SPATA6: variants seen among roughly 807,000 people sequenced by gnomAD.
The protein encoded by SPATA6 is spermatogenesis associated 6, also known as spermatogenesis-associated protein 6.
SPATA6 carries 56 observed loss-of-function variants against 65.3 expected under a neutral mutation model. The ratio of observed to expected loss-of-function variants is 0.86; its 90% CI spans 0.69 to 1.07. The LOEUF (loss-of-function observed/expected upper bound fraction) is 1.07, where lower values mean the gene tolerates loss of function less well. Among genes scored for constraint, SPATA6 ranks in the 50% least tolerant of loss-of-function variants. SPATA6 has a pLI of 0.00. For missense variants in SPATA6, 590 were observed against 594.8 expected (o/e 0.99, Z 0.08); for synonymous variants, 199 against 213.2 (o/e 0.93, Z 0.58).
chr1:48,374,636 C>T (rs1341689035), intron 9 of SPATA6, among the ~76,000 whole-genome samples: 1 of 152,164 alleles, frequency 6.6e-6, no homozygotes, highest in East Asian at 1.9e-4. Flanking sequence ...AATCACCTAC[C>T]TTTTCCAAAC....
Position 48,403,757 on chromosome 1 carries a change from C to G in SPATA6, c.486+45G>C, listed in dbSNP as rs116465190. 5.2e-4 allele frequency: 759 copies of G among 1,472,458 alleles called. 1 individual carries two copies. In the African/African-American group the frequency reaches 8.5e-3, roughly 16 times the overall value. The allele number at this position is 1,472,458 out of a possible 1,614,324, so 91.2% of individuals were successfully genotyped here. A position where few individuals can be genotyped will look rare whatever the true frequency, so the allele number is the denominator to read the frequency against. ...GCTTGCCAAAAGGCCACAAATATGA[C>G]CAAATAAATTAAACCATTAAATACT... On this transcript the variant is annotated intron_variant, in intron 6 of 12. Transcript: ENST00000371847.
At chr1:48,310,292 C>T (rs1645170543) in intron 11 of SPATA6, among the ~76,000 whole-genome samples, 1 of 152,164 alleles carries the variant, frequency 6.6e-6, no homozygotes, top group Non-Finnish European at 1.5e-5. Context: ...AATTACAATT[C>T]TCTGGGAATG....
intron 3 of SPATA6, chr1:48,436,350 T>C: frequency 1.2e-6 from 2 of 1,612,288 alleles, no homozygotes; most frequent in South Asian, 2.2e-5. Context: ...TTTTCACTGT[T>C]GGCAGCTGGC....
chr1:48,398,370 G>C (rs1409165168), intron 7 of SPATA6, among the ~76,000 whole-genome samples: 15 of 151,358 alleles, frequency 9.9e-5, no homozygotes, highest in Non-Finnish European at 1.9e-4. Context: ...GTTTTAAAAA[G>C]GTATCATAAA....
chr1:48,397,199 T>C (rs1271608310), intron 7 of SPATA6, among the ~76,000 whole-genome samples: 1 of 151,610 alleles, frequency 6.6e-6, no homozygotes, highest in South Asian at 2.1e-4. Context: ...GCCAAGACTA[T>C]GGGAAGGAAG....
chr1:48,349,017 C>T (rs1163530426), intron 11 of SPATA6, among the ~76,000 whole-genome samples: 3 of 151,976 alleles, frequency 2.0e-5, no homozygotes, highest in Non-Finnish European at 2.9e-5. Context: ...TCTACTACAG[C>T]AGGGGTTATC....
At chr1:48,371,982 C>T (rs979607227) in intron 9 of SPATA6, among the ~76,000 whole-genome samples, 2 of 152,246 alleles carry the variant, frequency 1.3e-5, no homozygotes, top group South Asian at 2.1e-4. Flanking sequence ...CTAGGTCCCT[C>T]CTACAACATG....
Position 48,400,926 on chromosome 1 carries a change from G to A in SPATA6, c.487-1282C>T, listed in dbSNP as rs115965050. ...TCTGTGACATCACAGACTTACAGAA[G>A]CAAAGAATGTCAGCACTAGAAATGA... On this transcript the variant is annotated intron_variant, in intron 6 of 12. Coordinates refer to ENST00000371847, the MANE Select transcript of SPATA6 (RefSeq NM_019073.4). The A allele has an allele frequency of 7.1e-4, 526 of 737,240 alleles. No homozygotes were observed. In the African/African-American group the frequency reaches 8.5e-3, roughly 12 times the overall value. 45.7% of individuals were successfully genotyped at this position (737,240 alleles called of 1,614,324 possible). A position where few individuals can be genotyped will look rare whatever the true frequency, so the allele number is the denominator to read the frequency against.
downstream of SPATA6, among the ~76,000 whole-genome samples, chr1:48,290,575 C>G (rs576910300): frequency 1.6e-3 from 250 of 152,232 alleles, 3 homozygotes; most frequent in African/African-American, 5.6e-3. Context: ...AGTCAAGACC[C>G]ATCAGTGTGC....
At chr1:48,362,248 T>C (rs989124465) in intron 9 of SPATA6, among the ~76,000 whole-genome samples, 1 of 151,958 alleles carries the variant, frequency 6.6e-6, no homozygotes, top group African/African-American at 2.4e-5. Context: ...AGCAACACTC[T>C]GTCTCAAAGA....
chr1:48,357,516 T>C (rs1646692616), intron 10 of SPATA6, among the ~76,000 whole-genome samples: 1 of 152,162 alleles, frequency 6.6e-6, no homozygotes, highest in Non-Finnish European at 1.5e-5. Flanking sequence ...TCAATAAATA[T>C]TTACACAGAT....
chr1:48,277,198 G>A, the SPATA6 span, among the ~76,000 whole-genome samples: 1 of 151,728 alleles, frequency 6.6e-6, no homozygotes, highest in East Asian at 1.9e-4. Flanking sequence ...GGAGGCTGGA[G>A]CCAAGATGGC....
chr1:48,414,994 C>CT (rs1652621671), intron 3 of SPATA6, among the ~76,000 whole-genome samples: 1 of 149,200 alleles, frequency 6.7e-6, no homozygotes, highest in Non-Finnish European at 1.5e-5. Flanking sequence ...GACAGAAATT[C>CT]TAAAAAAAAA....
chr1:48,364,941 G>GT (rs2148833087), intron 9 of SPATA6, among the ~76,000 whole-genome samples: 1 of 152,108 alleles, frequency 6.6e-6, no homozygotes, highest in East Asian at 1.9e-4. Flanking sequence ...GGTCTTACAT[G>GT]TAAGTCTTTA....
chr1:48,276,807 G>A, the SPATA6 span, among the ~76,000 whole-genome samples: 1 of 152,314 alleles, frequency 6.6e-6, no homozygotes, highest in African/African-American at 2.4e-5. Flanking sequence ...TGTATATTAT[G>A]TTGATTTGGG....
chr1:48,372,243 G>A (rs1352079993), intron 9 of SPATA6, among the ~76,000 whole-genome samples: 1 of 152,162 alleles, frequency 6.6e-6, no homozygotes, highest in African/African-American at 2.4e-5. Context: ...GCTAGTTACT[G>A]CCTAGACACA....
At chr1:48,403,273 G>A (rs973953905) in intron 6 of SPATA6, among the ~76,000 whole-genome samples, 12 of 152,072 alleles carry the variant, frequency 7.9e-5, no homozygotes, top group Admixed American at 7.9e-4. Flanking sequence ...TCCTTAGGCT[G>A]GAATGTCCAA....
chr1:48,350,706 G>C (rs759966810), intron 11 of SPATA6, among the ~76,000 whole-genome samples: 23 of 151,818 alleles, frequency 1.5e-4, no homozygotes, highest in Non-Finnish European at 2.5e-4. Context: ...TCTATTTCTG[G>C]AATCTTTATT....
chr1:48,276,172 C>T, the SPATA6 span, among the ~76,000 whole-genome samples: 1 of 152,130 alleles, frequency 6.6e-6, no homozygotes, highest in Admixed American at 6.5e-5. Context: ...TCTGTGAGAT[C>T]AGTGGTGACA....
Sources: gnomAD v4.1 joint callset for allele counts (sites outside exome capture counted in the v4.1 genomes callset) on GRCh38, gnomAD v4.1.1 for gene constraint, MANE v1.5 for transcripts, NCBI Gene and HGNC (gene_info 2026-07-23, HGNC 2026-07-21) for gene names.